RADIL: variants seen among roughly 807,000 people sequenced by gnomAD.
The protein encoded by RADIL is Rap associating with DIL domain.
Under a neutral mutation model 97.6 loss-of-function variants are expected in RADIL, and 99 were observed. That is an observed-to-expected ratio of 1.01 (90% CI 0.86 to 1.20). The LOEUF is 1.20. Among genes scored for constraint, RADIL ranks in the 50% most tolerant of loss-of-function variants. The probability of loss-of-function intolerance (pLI) is 0.00; values close to 1 mark genes in which losing one functional copy is unlikely to be tolerated. For synonymous variants in RADIL, 803 were observed against 691.8 expected (o/e 1.16, Z -2.52); for missense variants, 1,765 against 1,498.9 (o/e 1.18, Z -2.93).
intron 5 of RADIL, among the ~76,000 whole-genome samples, chr7:4,825,281 C>T (rs551370720): frequency 2.0e-5 from 3 of 152,106 alleles, no homozygotes; most frequent in Admixed American, 1.3e-4. Context: ...CTGGTCAAGG[C>T]GCGGGTATCT....
intron 2 of RADIL, among the ~76,000 whole-genome samples, chr7:4,841,047 G>A (rs781060687): frequency 2.0e-5 from 3 of 152,208 alleles, no homozygotes; most frequent in South Asian, 2.1e-4. Context: ...ATGGCAGGAC[G>A]GCCGCAGCCT....
Position 4,818,241 on chromosome 7 carries a change from G to A in RADIL, c.1616-890C>T, listed in dbSNP as rs983630912. On this transcript the variant is annotated intron_variant, in intron 6 of 14. Coordinates refer to ENST00000399583, the MANE Select transcript of RADIL (RefSeq NM_018059.5). The surrounding 1 kb of genome is among the most constrained non-coding windows in gnomAD (Gnocchi z 7.1). Reference sequence around the variant, plus strand: ...CAGGGCTGCATGGGCGGCGCCTGGTGAGCCAGGCCAACACTCACCCCAGCG... The same window carrying A: ...CAGGGCTGCATGGGCGGCGCCTGGTAAGCCAGGCCAACACTCACCCCAGCG... Among the ~76,000 whole-genome samples the A allele has an allele frequency of 6.6e-6, 1 of 152,204 alleles. No individual in the cohort carries two copies. Among genetic ancestry groups the A allele is most frequent in the East Asian group, 1.9e-4 (1 of 5,180 alleles).
intron 2 of RADIL, among the ~76,000 whole-genome samples, chr7:4,845,404 C>G (rs903856991): frequency 6.6e-6 from 1 of 152,160 alleles, no homozygotes; most frequent in Non-Finnish European, 1.5e-5. Context: ...GGTGACAGAG[C>G]AAGACCTCAT....
chr7:4,811,583 G>T (rs1364422219), intron 9 of RADIL, among the ~76,000 whole-genome samples: 1 of 144,000 alleles, frequency 6.9e-6, no homozygotes, highest in Non-Finnish European at 1.5e-5. Flanking sequence ...CGCCTCCCGG[G>T]TTCACGCCAT....
rs996457448 is a variant in RADIL at position 4,878,945 on chromosome 7, A to C, written c.-64-742T>G. On this transcript the variant is annotated intron_variant, in intron 1 of 14. Coordinates refer to ENST00000399583, the MANE Select transcript of RADIL (RefSeq NM_018059.5). This position sits in a 1 kb window ranked among gnomAD's most constrained non-coding sequence, Gnocchi z 4.1. ...GGGTCACAAACACAGTGCAACCAGG[A>C]AAACAGGCGAATCGCAGCCACGTTG... Among the ~76,000 whole-genome samples, 2 of 152,256 alleles carry C rather than the reference A, an allele frequency of 1.3e-5. No homozygotes were observed. Among genetic ancestry groups the C allele is most frequent in the Admixed American group, 1.3e-4 (2 of 15,290 alleles).
Position 4,804,678 on chromosome 7 carries a change from T to G in RADIL, c.2290+888A>C, listed in dbSNP as rs188666674. On this transcript the variant is annotated intron_variant, in intron 10 of 14. Transcript: ENST00000399583. ...GGCACACACCTGTAATCCCAGCTACTTGGGAGACTGAGGCAGGAGAATCGC... is the reference window on the plus strand; with the variant it reads ...GGCACACACCTGTAATCCCAGCTACGTGGGAGACTGAGGCAGGAGAATCGC... Among the ~76,000 whole-genome samples the G allele has an allele frequency of 2.8e-3, 431 of 152,104 alleles. 3 individuals are homozygous for G. Among genetic ancestry groups the G allele is most frequent in the African/African-American group, 9.9e-3 (411 of 41,468 alleles).
In RADIL at chr7:4,831,319, G is replaced by A. The variant is rs542584697; in HGVS notation, c.1454+822C>T. 1.1e-3 allele frequency among the ~76,000 whole-genome samples: 166 copies of A among 152,134 alleles called. 1 individual carries two copies. Among genetic ancestry groups the A allele is most frequent in the African/African-American group, 3.8e-3 (159 of 41,504 alleles). On this transcript the variant is annotated intron_variant, in intron 5 of 14. Coordinates refer to ENST00000399583, the MANE Select transcript of RADIL (RefSeq NM_018059.5). ...CCAAATACCTTCTCACTTACAAGTG[G>A]GAGCTAAATGATGAGAACACATGGA...
intron 2 of RADIL, among the ~76,000 whole-genome samples, chr7:4,847,399 G>A (rs989240282): frequency 6.6e-6 from 1 of 152,178 alleles, no homozygotes; most frequent in African/African-American, 2.4e-5. Flanking sequence ...TTGCTGGAAA[G>A]TAAGATGGTG....
rs960199439 is a variant in RADIL, at chr7:4,809,689, T to C, written c.2140-3973A>G. The C allele has an allele frequency of 4.3e-6, 4 of 936,542 alleles. No homozygotes were observed. In the African/African-American group the frequency reaches 7.1e-5, roughly 17 times the overall value. 58.0% of individuals were successfully genotyped at this position (936,542 alleles called of 1,614,324 possible). A position where few individuals can be genotyped will look rare whatever the true frequency, so the allele number is the denominator to read the frequency against. On this transcript the variant is annotated intron_variant, in intron 9 of 14. Coordinates refer to ENST00000399583, the MANE Select transcript of RADIL (RefSeq NM_018059.5). Reference sequence around the variant, plus strand: ...TATTTATTTATTTTATTTTATTTAATTGATTTATTTAGAGACGGGGTTTCG... The same window carrying C: ...TATTTATTTATTTTATTTTATTTAACTGATTTATTTAGAGACGGGGTTTCG...
At chr7:4,807,341 G>T (rs1372767210) in intron 9 of RADIL, among the ~76,000 whole-genome samples, 1 of 152,022 alleles carries the variant, frequency 6.6e-6, no homozygotes, top group African/African-American at 2.4e-5. Flanking sequence ...CCTCTGGTTT[G>T]CCCGGGGGTG....
chr7:4,832,074 C>T (rs1783158364), intron 5 of RADIL, 67 bp downstream of exon 5: 5 of 1,552,266 alleles, frequency 3.2e-6, no homozygotes, highest in Admixed American at 1.7e-5. Context: ...GACTTGGCTC[C>T]CCCGGGAAGT....
intron 2 of RADIL, chr7:4,861,825 C>A: frequency 1.4e-6 from 2 of 1,421,440 alleles, no homozygotes; most frequent in Non-Finnish European, 1.8e-6. Flanking sequence ...CAGCGCCCGC[C>A]CCGCCAGGGC....
Position 4,836,574 on chromosome 7 carries a change from C to G in RADIL, c.567G>C (p.Arg189=). Residue 189 remains arginine (R), a synonymous_variant, in exon 3 of 15, where the codon CGG becomes CGC. Coordinates refer to ENST00000399583, the MANE Select transcript of RADIL (RefSeq NM_018059.5). ...GINAQARRLQ[R]SRAKGTPTPA... ...GGGTCGGGGTTCCCTTCGCGCGACT[C>G]CGCTGCAGCCTCCGGGCCTGGGCGT... The G allele has an allele frequency of 6.2e-7, 1 of 1,607,546 alleles. No homozygotes were observed. Among genetic ancestry groups the G allele is most frequent in the Non-Finnish European group, 8.5e-7 (1 of 1,179,536 alleles).
Position 4,835,464 on chromosome 7 carries a change from G to A in RADIL, c.784-225C>T, listed in dbSNP as rs1185235636. On this transcript the variant is annotated intron_variant, in intron 3 of 14. Coordinates refer to ENST00000399583, the MANE Select transcript of RADIL (RefSeq NM_018059.5). This position sits in a 1 kb window ranked among gnomAD's most constrained non-coding sequence, Gnocchi z 5.8. ...AGGTCGGTTTCCCGGAGGAGCACAC[G>A]AGAGACCCAGGAGACACCCAGCTTT... Among the ~76,000 whole-genome samples the A allele has an allele frequency of 6.6e-6, 1 of 152,134 alleles. No individual in the cohort carries two copies. Among genetic ancestry groups the A allele is most frequent in the Admixed American group, 6.5e-5 (1 of 15,276 alleles).
chr7:4,861,925 A>ACCCCAC, intron 2 of RADIL: 1 of 597,890 alleles, frequency 1.7e-6, no homozygotes, highest in Admixed American at 3.8e-5. Context: ...CCCTGGTCCG[A>ACCCCAC]CCCCACTCCC....
rs1212661386 is a variant in RADIL at position 4,883,223 on chromosome 7, C to T, written c.-65+373G>A. On this transcript the variant is annotated intron_variant, in intron 1 of 14. Coordinates refer to ENST00000399583, the MANE Select transcript of RADIL (RefSeq NM_018059.5). This position sits in a 1 kb window ranked among gnomAD's most constrained non-coding sequence, Gnocchi z 7.1. ...CTGCGCGCCCCGGACGAAGCTCCCC[C>T]TCCAGGGCACAGCCGGGAAAACTGA... Among the ~76,000 whole-genome samples, 2 of 152,068 alleles carry T rather than the reference C, an allele frequency of 1.3e-5. No homozygotes were observed. Among genetic ancestry groups the T allele is most frequent in the Non-Finnish European group, 2.9e-5 (2 of 67,970 alleles).
At position 4,803,688 on chromosome 7, in the gene RADIL, T is replaced by A. The variant is rs1293112190; in HGVS notation, c.2357A>T (p.Asp786Val). ...IVLPSDGFQV[D>V]LEANCLDDSI... ...GTCGTCCAGGCAGTTGGCTTCCAAG[T>A]CCACCTGGAAGCCGTCGCTGGGCAG... The change falls in exon 11 of 15, where the codon GAC becomes GTC. Residue 786 changes from aspartate to valine, a missense_variant. Physicochemically the swap from Asp to Val is radical, Grantham distance 152 (BLOSUM62 -3). Coordinates refer to ENST00000399583, the MANE Select transcript of RADIL (RefSeq NM_018059.5). 1 of 1,561,396 alleles carries A rather than the reference T, an allele frequency of 6.4e-7. No individual in the cohort carries two copies. Among genetic ancestry groups the A allele is most frequent in the South Asian group, 1.2e-5 (1 of 84,754 alleles).
chr7:4,815,203 G>T lies in RADIL; in HGVS notation c.2139+75C>A. 1.4e-6 allele frequency: 2 copies of T among 1,430,536 alleles called. No individual in the cohort carries two copies. The highest frequency in any genetic ancestry group is 2.9e-5 in the South Asian group (2 of 69,604). 88.6% of individuals were successfully genotyped at this position (1,430,536 alleles called of 1,614,324 possible). ...AAGCCCCGTCCCGGCCCCCAGGCTT[G>T]GTTTGTGAGCCAGGGACCCACAGCA... On this transcript the variant is annotated intron_variant, in intron 9 of 14. Coordinates refer to ENST00000399583, the MANE Select transcript of RADIL (RefSeq NM_018059.5). This position sits in a 1 kb window ranked among gnomAD's most constrained non-coding sequence, Gnocchi z 8.0.
At chr7:4,874,776 G>C (rs559044121) in intron 2 of RADIL, among the ~76,000 whole-genome samples, 1 of 152,358 alleles carries the variant, frequency 6.6e-6, no homozygotes, top group East Asian at 1.9e-4. Flanking sequence ...GCATGAGCTT[G>C]GCCGGGTGTG....
Sources: allele counts gnomAD v4.1 joint callset (sites outside exome capture counted in the v4.1 genomes callset), GRCh38; gene constraint gnomAD v4.1.1; non-coding constraint Gnocchi (gnomAD v3.1); transcripts MANE v1.5; gene names NCBI Gene and HGNC (gene_info 2026-07-23, HGNC 2026-07-21).